DLGAP2: variants seen among roughly 807,000 people sequenced by gnomAD.
DLGAP2 encodes DLG associated protein 2.
A neutral mutation model predicts 100.3 loss-of-function variants in DLGAP2; 26 were observed. The ratio of observed to expected loss-of-function variants is 0.26; its 90% CI spans 0.19 to 0.36. The LOEUF is 0.36. Ranked by LOEUF, DLGAP2 falls within the 10% of genes least tolerant of loss-of-function variation. The pLI, the probability that DLGAP2 is intolerant of heterozygous loss-of-function variation, is 1.00. For synonymous variants in DLGAP2, 886 were observed against 630.1 expected, an observed-to-expected ratio of 1.41 and a Z score of -6.08; for missense variants, 1,858 against 1,453.2, an observed-to-expected ratio of 1.28 and a Z score of -4.53.
intron 3 of DLGAP2, among the ~76,000 whole-genome samples, chr8:1,293,656 T>C (rs896078049): frequency 2.0e-5 from 3 of 152,340 alleles, no homozygotes; most frequent in Non-Finnish European, 2.9e-5. Flanking sequence ...TCATGCCTGC[T>C]GTCTCTAGAA....
intron 2 of DLGAP2, among the ~76,000 whole-genome samples, chr8:1,070,935 G>A (rs1388389057): frequency 6.6e-6 from 1 of 152,224 alleles, no homozygotes; most frequent in Non-Finnish European, 1.5e-5. Flanking sequence ...CAGAGGGGAA[G>A]CCCCTGGAAG....
chr8:1,267,581 A>AATAAC (rs1554429921), intron 3 of DLGAP2, among the ~76,000 whole-genome samples: 1 of 64,956 alleles, frequency 1.5e-5, no homozygotes, highest in African/African-American at 8.0e-5. Context: ...AATAAAATAA[A>AATAAC]ATAAAATAAG....
At chr8:1,246,567 A>T (rs1306198100) in intron 2 of DLGAP2, among the ~76,000 whole-genome samples, 2 of 152,234 alleles carry the variant, frequency 1.3e-5, no homozygotes, top group Non-Finnish European at 2.9e-5. Flanking sequence ...GTTTTTACTG[A>T]GATGCACAAT....
intron 2 of DLGAP2, among the ~76,000 whole-genome samples, chr8:1,151,698 C>T (rs1305426573): frequency 6.6e-6 from 1 of 152,220 alleles, no homozygotes; most frequent in African/African-American, 2.4e-5. Context: ...CAAAGCGGTG[C>T]TTAGGCCAAA....
chr8:1,513,439 G>A lies in DLGAP2; in HGVS notation c.172+12008G>A, dbSNP rs146272334. On this transcript the variant is annotated intron_variant, in intron 4 of 14. Coordinates refer to ENST00000637795, the MANE Select transcript of DLGAP2 (RefSeq NM_001346810.2). ...CCCACGGAGGCTCGGTGGGATACAC[G>A]TCCGCCTTTCCCTGGGAACAGCTGG... Among the ~76,000 whole-genome samples, 126 of 152,216 alleles carry A rather than the reference G, an allele frequency of 8.3e-4. 1 individual carries two copies. Among genetic ancestry groups the A allele is most frequent in the African/African-American group, 2.9e-3 (121 of 41,530 alleles).
At chr8:1,689,813 G>A (rs999695630) in intron 12 of DLGAP2, among the ~76,000 whole-genome samples, 5 of 152,184 alleles carry the variant, frequency 3.3e-5, no homozygotes, top group African/African-American at 4.8e-5. Flanking sequence ...CCCCCTGCCT[G>A]GTGGGCAGCC....
intron 6 of DLGAP2, among the ~76,000 whole-genome samples, chr8:1,601,055 G>T (rs1796607979): frequency 6.6e-6 from 1 of 152,062 alleles, no homozygotes; most frequent in Admixed American, 6.6e-5. Flanking sequence ...ATAGGGTTTT[G>T]GTGTAGACGT....
rs1383622593 is a variant in DLGAP2, at chr8:1,708,175, C to G, written c.*6769C>G. On this transcript the variant is annotated 3_prime_UTR_variant, in exon 15 of 15. Transcript: ENST00000637795. ...ATGCCTCCATTTGACTTCTGTATCG[C>G]TGATGTTCACCTCCTGTAAATAGTT... 1 of 152,178 alleles carries G rather than the reference C, an allele frequency of 6.6e-6. No homozygotes were observed. Among genetic ancestry groups the G allele is most frequent in the Non-Finnish European group, 1.5e-5 (1 of 68,020 alleles). The allele number at this position is 152,178 out of a possible 1,614,324, so 9.4% of individuals were successfully genotyped here. A position where few individuals can be genotyped will look rare whatever the true frequency, so the allele number is the denominator to read the frequency against.
intron 3 of DLGAP2, among the ~76,000 whole-genome samples, chr8:1,419,422 A>C (rs6985142): frequency 5.5e-5 from 3 of 54,652 alleles, no homozygotes; most frequent in African/African-American, 2.7e-4. Context: ...TTTGTGGGAT[A>C]CTGTGTTACA....
intron 2 of DLGAP2, among the ~76,000 whole-genome samples, chr8:926,180 AG>A (rs1186953380): frequency 6.6e-6 from 1 of 152,072 alleles, no homozygotes; most frequent in African/African-American, 2.4e-5. Context: ...CTGTACATGA[AG>A]CCGACTTCCA....
At chr8:1,054,003 A>G (rs973025766) in intron 2 of DLGAP2, among the ~76,000 whole-genome samples, 3 of 152,020 alleles carry the variant, frequency 2.0e-5, no homozygotes, top group Non-Finnish European at 2.9e-5. Context: ...CAGTACAACA[A>G]ATGTGTTACA....
intron 1 of DLGAP2, among the ~76,000 whole-genome samples, chr8:903,328 C>G (rs1360302213): frequency 1.3e-5 from 2 of 152,014 alleles, no homozygotes; most frequent in Non-Finnish European, 2.9e-5. Flanking sequence ...GTTCAAACAT[C>G]AGTTCGAGAG....
At chr8:1,337,057 A>G (rs1801290890) in intron 3 of DLGAP2, among the ~76,000 whole-genome samples, 3 of 152,188 alleles carry the variant, frequency 2.0e-5, no homozygotes. Flanking sequence ...ACCAGTAATG[A>G]CAGTGTGTGA....
chr8:750,858 A>C (rs1820771922), intron 1 of DLGAP2, among the ~76,000 whole-genome samples: 1 of 152,248 alleles, frequency 6.6e-6, no homozygotes, highest in Admixed American at 6.5e-5. Flanking sequence ...AAATTGGCTA[A>C]ATTTAGTTTC....
At chr8:1,458,186 A>G (rs987843049) in intron 3 of DLGAP2, among the ~76,000 whole-genome samples, 7 of 151,758 alleles carry the variant, frequency 4.6e-5, no homozygotes, top group African/African-American at 7.3e-5. Flanking sequence ...GATTACAGGC[A>G]TGAGCCACCA....
At chr8:1,340,042 C>T (rs554159592) in intron 3 of DLGAP2, among the ~76,000 whole-genome samples, 20 of 152,224 alleles carry the variant, frequency 1.3e-4, no homozygotes, top group East Asian at 1.2e-3. Flanking sequence ...ACTGGCAGGA[C>T]GTGTGCAGAA....
intron 3 of DLGAP2, among the ~76,000 whole-genome samples, chr8:1,338,258 C>T (rs1333272246): frequency 6.6e-6 from 1 of 152,200 alleles, no homozygotes; most frequent in Non-Finnish European, 1.5e-5. Context: ...ATTGCTTAGC[C>T]AGAAAATGGA....
At chr8:1,241,200 A>T (rs796620632) in intron 2 of DLGAP2, among the ~76,000 whole-genome samples, 2 of 11,446 alleles carry the variant, frequency 1.7e-4, no homozygotes, top group Non-Finnish European at 3.3e-4. Flanking sequence ...TCTCACATGG[A>T]GCCATGTCTA....
chr8:1,052,662 C>G (rs1802755393), intron 2 of DLGAP2, among the ~76,000 whole-genome samples: 1 of 152,086 alleles, frequency 6.6e-6, no homozygotes, highest in Non-Finnish European at 1.5e-5. Context: ...TTGCATTGGC[C>G]TAGTAGGGGG....
Sources: allele counts gnomAD v4.1 joint callset (sites outside exome capture counted in the v4.1 genomes callset), GRCh38; gene constraint gnomAD v4.1.1; transcripts MANE v1.5; gene names NCBI Gene and HGNC (gene_info 2026-07-23, HGNC 2026-07-21).